Variants in EXOC4 observed in about 807,000 individuals in gnomAD.
EXOC4 encodes exocyst complex component 4.
In EXOC4, 71 loss-of-function variants were observed where a neutral mutation model predicts 107.2. That is an observed-to-expected ratio of 0.66 (90% confidence interval 0.55 to 0.81). The LOEUF is 0.81. Ranked by LOEUF, EXOC4 falls within the 30% of genes least tolerant of loss-of-function variation. EXOC4 has a pLI of 0.00. For missense variants in EXOC4, 1,108 were observed against 1,189.6 expected, an observed-to-expected ratio of 0.93 and a Z score of 1.01; for synonymous variants, 456 against 441.2, an observed-to-expected ratio of 1.03 and a Z score of -0.42.
At chr7:133,626,268 G>T (rs916686278) in intron 9 of EXOC4, among the ~76,000 whole-genome samples, 4 of 152,260 alleles carry the variant, frequency 2.6e-5, no homozygotes, top group Non-Finnish European at 5.9e-5. Context: ...GGCTCATGAG[G>T]AAAAGTGAGT....
intron 9 of EXOC4, among the ~76,000 whole-genome samples, chr7:133,544,546 A>G (rs1320044015): frequency 1.3e-5 from 2 of 152,100 alleles, no homozygotes; most frequent in Non-Finnish European, 2.9e-5. Flanking sequence ...ATAAGAAACT[A>G]AATTAGGTCA....
At chr7:134,029,084 G>A (rs1303470394) in intron 17 of EXOC4, among the ~76,000 whole-genome samples, 1 of 152,214 alleles carries the variant, frequency 6.6e-6, no homozygotes, top group Non-Finnish European at 1.5e-5. Flanking sequence ...ACCCTGTCGA[G>A]GCCAAGATGT....
intron 14 of EXOC4, among the ~76,000 whole-genome samples, chr7:133,944,579 A>T (rs146026512): frequency 6.6e-6 from 1 of 152,298 alleles, no homozygotes; most frequent in African/African-American, 2.4e-5. Context: ...AGTTCCTTCC[A>T]AATTTTGGAT....
chr7:133,496,954 A>AT (rs1799488892), intron 9 of EXOC4, among the ~76,000 whole-genome samples: 1 of 152,202 alleles, frequency 6.6e-6, no homozygotes, highest in Non-Finnish European at 1.5e-5. Context: ...AACCCTTAAA[A>AT]GAGACAAAAA....
intron 11 of EXOC4, among the ~76,000 whole-genome samples, chr7:133,838,779 C>T (rs746589972): frequency 1.3e-5 from 2 of 152,166 alleles, no homozygotes; most frequent in African/African-American, 2.4e-5. Flanking sequence ...TGGTTTATAT[C>T]GTCTCTGTTT....
chr7:133,263,980 T>G (rs950573215), intron 1 of EXOC4, among the ~76,000 whole-genome samples: 3 of 152,148 alleles, frequency 2.0e-5, no homozygotes, highest in African/African-American at 7.2e-5. Context: ...CACCTCTTAA[T>G]TTTTTGTAAA....
rs376283333 is a variant in EXOC4, at chr7:133,305,833, T to A, written c.472-44T>A. 4 of 1,435,750 alleles carry A rather than the reference T, an allele frequency of 2.8e-6. No homozygotes were observed. The African/African-American group carries it at 4.3e-5, about 15-fold the overall frequency. The allele number at this position is 1,435,750 out of a possible 1,614,324, so 88.9% of individuals were successfully genotyped here. ...TTTCTTATTTATAATATTGCCAGGT[T>A]ATTAAGTTGTACTTAATTGTCTTTC... On this transcript the variant is annotated intron_variant, in intron 3 of 17. Transcript: ENST00000253861.
intron 10 of EXOC4, among the ~76,000 whole-genome samples, chr7:133,695,372 G>A (rs896505568): frequency 4.6e-5 from 7 of 152,000 alleles, no homozygotes; most frequent in African/African-American, 1.7e-4. Flanking sequence ...CCATTTATCT[G>A]TTGACAGACT....
intron 13 of EXOC4, among the ~76,000 whole-genome samples, chr7:133,923,731 C>G (rs1306260258): frequency 1.3e-5 from 2 of 152,084 alleles, no homozygotes; most frequent in African/African-American, 4.8e-5. Flanking sequence ...TTAATGGTGT[C>G]TTTTACTAAA....
intron 10 of EXOC4, among the ~76,000 whole-genome samples, chr7:133,704,631 G>A (rs1319712173): frequency 6.6e-6 from 1 of 152,206 alleles, no homozygotes; most frequent in African/African-American, 2.4e-5. Context: ...TGTACATGTG[G>A]CATTGTATTA....
At chr7:133,830,952 T>A (rs955990505) in intron 11 of EXOC4, among the ~76,000 whole-genome samples, 1 of 151,624 alleles carries the variant, frequency 6.6e-6, no homozygotes, top group Non-Finnish European at 1.5e-5. Flanking sequence ...TCTGATGACC[T>A]TGACAGTTTT....
chr7:133,282,041 T>C (rs1794168312), intron 2 of EXOC4, among the ~76,000 whole-genome samples: 2 of 152,192 alleles, frequency 1.3e-5, no homozygotes, highest in South Asian at 4.1e-4. Context: ...TTAAAAGTTA[T>C]GGTCTTCCCC....
chr7:133,631,210 A>G (rs1802584453), intron 10 of EXOC4, among the ~76,000 whole-genome samples: 1 of 152,118 alleles, frequency 6.6e-6, no homozygotes, highest in Non-Finnish European at 1.5e-5. Flanking sequence ...GATTTACTAA[A>G]TGTTAGGTAC....
intron 1 of EXOC4, among the ~76,000 whole-genome samples, chr7:133,264,907 A>G (rs1793687510): frequency 1.3e-5 from 2 of 152,202 alleles, no homozygotes; most frequent in Non-Finnish European, 2.9e-5. Flanking sequence ...CCCTGATGAC[A>G]TAATAGGTAT....
chr7:133,910,562 T>G (rs1157178550), intron 12 of EXOC4, among the ~76,000 whole-genome samples: 4 of 152,220 alleles, frequency 2.6e-5, no homozygotes. Flanking sequence ...TTTTCCTATG[T>G]GTGTTGCTCC....
chr7:133,464,507 C>T (rs1798670390), intron 7 of EXOC4, among the ~76,000 whole-genome samples: 1 of 152,138 alleles, frequency 6.6e-6, no homozygotes, highest in African/African-American at 2.4e-5. Context: ...TTAGCACAAA[C>T]TGAGAAGGAA....
intron 11 of EXOC4, among the ~76,000 whole-genome samples, chr7:133,877,757 C>T (rs994599697): frequency 6.6e-6 from 1 of 152,160 alleles, no homozygotes; most frequent in Non-Finnish European, 1.5e-5. Context: ...CACATGCTCC[C>T]GTTTGCACAC....
At chr7:133,567,885 G>A (rs982010201) in intron 9 of EXOC4, among the ~76,000 whole-genome samples, 3 of 152,162 alleles carry the variant, frequency 2.0e-5, no homozygotes, top group Non-Finnish European at 2.9e-5. Flanking sequence ...TCTGCCTCTT[G>A]AAGGTTCTAC....
the EXOC4 span, among the ~76,000 whole-genome samples, chr7:134,092,922 C>CAAA: frequency 5.0e-4 from 40 of 80,480 alleles, no homozygotes; most frequent in South Asian, 3.1e-3. Context: ...GACTCCATCT[C>CAAA]AAAAAAAAAA....
Sources: allele counts gnomAD v4.1 joint callset (sites outside exome capture counted in the v4.1 genomes callset), GRCh38; gene constraint gnomAD v4.1.1; transcripts MANE v1.5; gene names NCBI Gene and HGNC (gene_info 2026-07-23, HGNC 2026-07-21).